Variants in GRID1 observed in about 807,000 individuals in gnomAD.
The protein encoded by GRID1 is glutamate receptor ionotropic, delta-1.
GRID1 carries 28 observed loss-of-function variants against 98.0 expected under a neutral mutation model. The ratio of observed to expected loss-of-function variants is 0.29; its 90% CI spans 0.21 to 0.39. The LOEUF (loss-of-function observed/expected upper bound fraction) is 0.39. Ranked by LOEUF, GRID1 falls within the 10% of genes least tolerant of loss-of-function variation. The pLI, the probability that GRID1 is intolerant of heterozygous loss-of-function variation, is 1.00. For missense variants in GRID1, 1,111 were observed against 1,340.5 expected (o/e 0.83, Z 2.67); for synonymous variants, 553 against 538.5 (o/e 1.03, Z -0.37).
At chr10:85,964,481 A>G (rs1022109706) in intron 4 of GRID1, among the ~76,000 whole-genome samples, 2 of 152,332 alleles carry the variant, frequency 1.3e-5, no homozygotes, top group South Asian at 4.1e-4. Context: ...CTCAGAAATA[A>G]TGTTACACAT....
rs778962216 is a variant in GRID1 at position 85,647,155 on chromosome 10, C to T, written c.2193+47G>A. ...TCTCCCACCTGGGGGCTGACCACCC[C>T]GTGGCCCTGTTACAGTGCACGTGCC... On this transcript the variant is annotated intron_variant, in intron 13 of 15. Coordinates refer to ENST00000327946, the MANE Select transcript of GRID1 (RefSeq NM_017551.3). The T allele has an allele frequency of 1.3e-5, 19 of 1,505,832 alleles. No individual in the cohort carries two copies. The Admixed American group carries it at 1.3e-4, about 11-fold the overall frequency. 93.3% of individuals were successfully genotyped at this position (1,505,832 alleles called of 1,614,324 possible). A position where few individuals can be genotyped will look rare whatever the true frequency, so the allele number is the denominator to read the frequency against.
At chr10:86,292,558 T>C (rs894494817) in intron 2 of GRID1, among the ~76,000 whole-genome samples, 1 of 152,170 alleles carries the variant, frequency 6.6e-6, no homozygotes, top group South Asian at 2.1e-4. Context: ...CAAACAGCAA[T>C]CTGCTGCCCT....
chr10:86,074,889 G>A (rs1437926215), intron 4 of GRID1, among the ~76,000 whole-genome samples: 1 of 152,240 alleles, frequency 6.6e-6, no homozygotes, highest in Non-Finnish European at 1.5e-5. Context: ...ATACAGGGAA[G>A]GAGGAAGTCA....
At chr10:86,213,743 C>T (rs1285209809) in intron 2 of GRID1, among the ~76,000 whole-genome samples, 4 of 151,846 alleles carry the variant, frequency 2.6e-5, no homozygotes, top group Non-Finnish European at 5.9e-5. Context: ...GTCCTGACCC[C>T]CACCCACCCA....
chr10:85,686,950 A>C (rs999054753), intron 12 of GRID1, among the ~76,000 whole-genome samples: 8 of 152,232 alleles, frequency 5.3e-5, no homozygotes, highest in African/African-American at 1.9e-4. Flanking sequence ...AGAAATATAC[A>C]TTCATAATTT....
At chr10:85,950,832 T>A (rs1376521345) in intron 4 of GRID1, among the ~76,000 whole-genome samples, 1 of 152,168 alleles carries the variant, frequency 6.6e-6, no homozygotes, top group Non-Finnish European at 1.5e-5. Flanking sequence ...TCCAGCCGGA[T>A]ATGCACCACT....
chr10:86,068,649 T>C (rs1843753855), intron 4 of GRID1, among the ~76,000 whole-genome samples: 1 of 152,202 alleles, frequency 6.6e-6, no homozygotes, highest in African/African-American at 2.4e-5. Flanking sequence ...CCAGCGACGG[T>C]GCCTCAGATA....
chr10:85,779,949 C>A (rs1408567527), intron 8 of GRID1, among the ~76,000 whole-genome samples: 3 of 152,146 alleles, frequency 2.0e-5, no homozygotes, highest in South Asian at 2.1e-4. Flanking sequence ...TGGAAAGATG[C>A]CTGCCGGAGA....
intron 8 of GRID1, among the ~76,000 whole-genome samples, chr10:85,852,397 AG>A (rs1329186593): frequency 6.6e-6 from 1 of 152,120 alleles, no homozygotes; most frequent in Non-Finnish European, 1.5e-5. Flanking sequence ...CACCTGAAAC[AG>A]GAAGTGGAGG....
intron 2 of GRID1, among the ~76,000 whole-genome samples, chr10:86,361,224 T>C (rs1307195417): frequency 6.6e-6 from 1 of 152,172 alleles, no homozygotes; most frequent in Non-Finnish European, 1.5e-5. Context: ...AGGAGGCTGC[T>C]GAGCACTGCT....
intron 4 of GRID1, among the ~76,000 whole-genome samples, chr10:85,980,398 A>G (rs1322772775): frequency 6.6e-6 from 1 of 152,204 alleles, no homozygotes; most frequent in Non-Finnish European, 1.5e-5. Flanking sequence ...ATACAAGGAA[A>G]CTTATGTTTC....
chr10:86,318,503 T>A (rs144526824), intron 2 of GRID1, among the ~76,000 whole-genome samples: 1 of 152,332 alleles, frequency 6.6e-6, no homozygotes, highest in Non-Finnish European at 1.5e-5. Flanking sequence ...AAGCTCAGAT[T>A]GCAGCCCCCT....
At chr10:86,333,403 TC>T (rs1208473710) in intron 2 of GRID1, among the ~76,000 whole-genome samples, 3 of 152,250 alleles carry the variant, frequency 2.0e-5, no homozygotes, top group Non-Finnish European at 4.4e-5. Context: ...ATCTATACTT[TC>T]CCCACTAGAC....
At chr10:85,978,575 AGG>A (rs1327852836) in intron 4 of GRID1, among the ~76,000 whole-genome samples, 10 of 152,184 alleles carry the variant, frequency 6.6e-5, no homozygotes, top group African/African-American at 2.4e-4. Flanking sequence ...ATTCTGAAAG[AGG>A]TTCCTCCAAA....
chr10:85,848,131 AC>A (rs1843024404), intron 8 of GRID1, among the ~76,000 whole-genome samples: 1 of 152,156 alleles, frequency 6.6e-6, no homozygotes, highest in African/African-American at 2.4e-5. Flanking sequence ...ATATATATCA[AC>A]CATATTTTTT....
intron 8 of GRID1, among the ~76,000 whole-genome samples, chr10:85,784,015 C>A (rs374103702): frequency 6.6e-6 from 1 of 152,142 alleles, no homozygotes; most frequent in Non-Finnish European, 1.5e-5. Flanking sequence ...TCAGCTTCTT[C>A]GTGATTTCCT....
chr10:86,311,069 G>A (rs1237860718), intron 2 of GRID1, among the ~76,000 whole-genome samples: 1 of 152,046 alleles, frequency 6.6e-6, no homozygotes, highest in East Asian at 1.9e-4. Context: ...GAGAGAGGGA[G>A]GAAAGGTAGA....
intron 13 of GRID1, among the ~76,000 whole-genome samples, chr10:85,637,386 C>T (rs917603766): frequency 2.0e-4 from 31 of 151,998 alleles, no homozygotes; most frequent in African/African-American, 7.3e-4. Context: ...GTGGATCTGC[C>T]GTTGGGTGGA....
At chr10:86,060,372 C>T (rs1843632288) in intron 4 of GRID1, among the ~76,000 whole-genome samples, 1 of 152,192 alleles carries the variant, frequency 6.6e-6, no homozygotes, top group South Asian at 2.1e-4. Context: ...GAACTAGCTA[C>T]AGGGGCGAAG....
Sources: allele counts gnomAD v4.1 joint callset (sites outside exome capture counted in the v4.1 genomes callset), GRCh38; gene constraint gnomAD v4.1.1; transcripts MANE v1.5; gene names NCBI Gene and HGNC (gene_info 2026-07-23, HGNC 2026-07-21).